Variants in KPNB1 observed in about 807,000 individuals in gnomAD.
KPNB1 encodes karyopherin subunit beta 1, also known as importin subunit beta-1.
KPNB1 carries 7 observed loss-of-function variants against 113.0 expected under a neutral mutation model. That is an observed-to-expected ratio of 0.06 (90% CI 0.04 to 0.12). The LOEUF is 0.12. Ranked by LOEUF, KPNB1 falls within the 10% of genes least tolerant of loss-of-function variation. The probability of loss-of-function intolerance (pLI) is 1.00; values close to 1 mark genes in which losing one functional copy is unlikely to be tolerated. For synonymous variants in KPNB1, 363 were observed against 378.6 expected, an observed-to-expected ratio of 0.96 and a Z score of 0.48; for missense variants, 400 against 1,054.8, an observed-to-expected ratio of 0.38 and a Z score of 8.60.
intron 2 of KPNB1, 127 bp downstream of exon 2, chr17:47,650,571 C>CCCTCCCCCCCCAA: frequency 1.3e-6 from 1 of 745,804 alleles, no homozygotes. Context: ...TCCCCCCTCC[C>CCCTCCCCCCCCAA]CCTCCCCCCC....
At chr17:47,673,405 T>G in intron 13 of KPNB1, 85 bp from the exon 14 acceptor site, 1 of 1,160,922 alleles carries the variant, frequency 8.6e-7, no homozygotes, top group South Asian at 1.2e-5. Flanking sequence ...TACTTTCCTA[T>G]GTTAGTATTA....
In KPNB1 at chr17:47,670,641, T is replaced by A. The variant is rs182568840; in HGVS notation, c.1417-61T>A. On this transcript the variant is annotated intron_variant, in intron 11 of 21. Transcript: ENST00000290158. Reference sequence around the variant, plus strand: ...CGGCCCAAAGTATCTTAATGAAAAATGAGATAATCCTAAGGTGTGGGGTTC... The same window carrying A: ...CGGCCCAAAGTATCTTAATGAAAAAAGAGATAATCCTAAGGTGTGGGGTTC... The A allele has an allele frequency of 2.1e-4, 310 of 1,450,386 alleles. 2 individuals are homozygous for A. The East Asian group carries it at 3.5e-3, about 16-fold the overall frequency. The allele number at this position is 1,450,386 out of a possible 1,614,324, so 89.8% of individuals were successfully genotyped here.
At chr17:47,666,527 T>TTGTTA (rs2030285164) in intron 9 of KPNB1, among the ~76,000 whole-genome samples, 1 of 111,804 alleles carries the variant, frequency 8.9e-6, no homozygotes, top group African/African-American at 2.9e-5. Context: ...TTTATATGTA[T>TTGTTA]TATGTTATAT....
intron 14 of KPNB1, chr17:47,673,844 CCTCAGACCTCT>C: frequency 5.3e-6 from 2 of 374,196 alleles, no homozygotes; most frequent in Non-Finnish European, 9.8e-6. Context: ...AACATACACT[CCTCAGACCTCT>C]CTTCCTCACT....
rs1454895056 is a variant in KPNB1, at chr17:47,656,960, A to C, written c.383A>C (p.Glu128Ala). Residue 128 changes from glutamate (E) to alanine (A), a missense_variant, in exon 4 of 22, where the codon GAA becomes GCA. Glu to Ala is a moderately radical substitution (Grantham distance 107). This residue lies in a region of KPNB1 where 285 missense variants were observed against 627.0 expected (regional missense o/e 0.45). Transcript: ENST00000290158. ...CAEIPVNQWP[E>A]LIPQLVANVT... ...GAGATCCCAGTAAACCAGTGGCCAG[A>C]ACTCATTCCTCAGCTGGTGGCCAAT... 1 of 1,614,066 alleles carries C rather than the reference A, an allele frequency of 6.2e-7. No individual in the cohort carries two copies.
intron 7 of KPNB1, 77 bp from the exon 8 acceptor site, chr17:47,664,082 G>A: frequency 1.3e-6 from 1 of 780,320 alleles, no homozygotes; most frequent in South Asian, 1.6e-5. Flanking sequence ...TTGCATGTCT[G>A]TGGTTAAAGC....
In KPNB1 at chr17:47,669,763, A is replaced by G; in HGVS notation, c.1310A>G (p.Glu437Gly). 1 of 1,614,094 alleles carries G rather than the reference A, an allele frequency of 6.2e-7. No homozygotes were observed. Among genetic ancestry groups the G allele is most frequent in the Non-Finnish European group, 8.5e-7 (1 of 1,179,940 alleles). Residue 437 changes from glutamate to glycine, a missense_variant, in exon 11 of 22, where the codon GAG (glutamate) becomes GGG (glycine). By Grantham distance (98) the Glu-to-Gly change is moderately conservative. Coordinates refer to ENST00000290158, the MANE Select transcript of KPNB1 (RefSeq NM_002265.6). Reference protein sequence around the residue: ...TAAWTVGRICELLPEAAINDV... With the variant: ...TAAWTVGRICGLLPEAAINDV... ...GCATGGACTGTAGGCAGAATTTGTGAGCTGCTTCCTGAAGCTGCCATCAAT... is the reference window on the plus strand; with the variant it reads ...GCATGGACTGTAGGCAGAATTTGTGGGCTGCTTCCTGAAGCTGCCATCAAT...
chr17:47,650,536 C>T (rs558353937), intron 2 of KPNB1, 92 bp downstream of exon 2: 6 of 1,054,096 alleles, frequency 5.7e-6, no homozygotes, highest in Non-Finnish European at 8.4e-6. Flanking sequence ...GCCTCGGGAA[C>T]CTACCCCGCC....
rs548692228 is a variant in KPNB1 at position 47,656,785 on chromosome 17, A to C, written c.283-75A>C. 1.1e-5 allele frequency: 16 copies of C among 1,393,864 alleles called. No homozygotes were observed. The East Asian group carries it at 3.7e-4, about 32-fold the overall frequency. The allele number at this position is 1,393,864 out of a possible 1,614,324, so 86.3% of individuals were successfully genotyped here. ...AAAAAAAGAATTCAGAGACACTAAT[A>C]TAAGTATGGTGGTGGGCAAAATGTG... On this transcript the variant is annotated intron_variant, in intron 3 of 21. Transcript: ENST00000290158.
At chr17:47,655,376 G>T (rs193243567) in intron 3 of KPNB1, among the ~76,000 whole-genome samples, 40 of 152,308 alleles carry the variant, frequency 2.6e-4, no homozygotes, top group African/African-American at 9.4e-4. Flanking sequence ...CTAGATTTTG[G>T]TATCTGTCAG....
intron 9 of KPNB1, among the ~76,000 whole-genome samples, chr17:47,666,652 C>T (rs888376751): frequency 6.7e-6 from 1 of 148,662 alleles, no homozygotes; most frequent in Non-Finnish European, 1.5e-5. Flanking sequence ...CAGAGTCTCA[C>T]TCTGTTGCCA....
rs1567885382 is a variant in KPNB1, at chr17:47,650,211, C to G, written c.-34C>G. 2 of 1,393,622 alleles carry G rather than the reference C, an allele frequency of 1.4e-6. No individual in the cohort carries two copies. Among genetic ancestry groups the G allele is most frequent in the Non-Finnish European group, 1.9e-6 (2 of 1,050,618 alleles). 86.3% of individuals were successfully genotyped at this position (1,393,622 alleles called of 1,614,324 possible). On this transcript the variant is annotated 5_prime_UTR_variant, in exon 1 of 22. Transcript: ENST00000290158. ...GCCGCCCGAAAGGCCGGGCCGTCGT[C>G]TTAGGAGGAGTCGCCGCCGCCGCCA...
intron 2 of KPNB1, 36 bp downstream of exon 2, chr17:47,650,480 C>T (rs1443580723): frequency 1.9e-6 from 3 of 1,582,248 alleles, no homozygotes; most frequent in African/African-American, 1.3e-5. Flanking sequence ...CCCGCCGCGT[C>T]CCCATCCCCT....
intron 15 of KPNB1, among the ~76,000 whole-genome samples, chr17:47,675,361 G>GTTTTTTTTTGTTTT (rs2030569284): frequency 1.1e-5 from 1 of 88,692 alleles, no homozygotes; most frequent in Admixed American, 1.1e-4. Flanking sequence ...CAGAGGTGTT[G>GTTTTTTTTTGTTTT]TTTTTTTTTT....
chr17:47,662,435 G>A (rs940040949), intron 6 of KPNB1, among the ~76,000 whole-genome samples: 10 of 152,038 alleles, frequency 6.6e-5, no homozygotes, highest in African/African-American at 2.4e-4. Flanking sequence ...GATTAGCTGT[G>A]CGTGATGGGG....
chr17:47,678,427 C>T lies in KPNB1; in HGVS notation c.2353+14C>T. 1 of 1,583,484 alleles carries T rather than the reference C, an allele frequency of 6.3e-7. No homozygotes were observed. The highest frequency in any genetic ancestry group is 1.1e-5 in the South Asian group (1 of 90,468). The stretch of plus-strand genomic sequence containing the variant: ...AGAACGTACACCGTTGAGTATACAA[C>T]CCAGTTCCCTTCGTCCGCTCGCCAA... On this transcript the variant is annotated intron_variant, in intron 19 of 21. Transcript: ENST00000290158.
chr17:47,658,798 G>A (rs1450747207), intron 5 of KPNB1, 138 bp downstream of exon 5: 10 of 694,748 alleles, frequency 1.4e-5, no homozygotes, highest in South Asian at 2.0e-5. Context: ...CAGTTTAGTC[G>A]AGTTCGTATT....
chr17:47,675,030 G>A (rs2030553652), intron 15 of KPNB1, among the ~76,000 whole-genome samples: 1 of 152,088 alleles, frequency 6.6e-6, no homozygotes, highest in Admixed American at 6.6e-5. Context: ...ATGTTGCCCA[G>A]ACTGGTCTTG....
intron 21 of KPNB1, among the ~76,000 whole-genome samples, chr17:47,682,180 G>C (rs767461773): frequency 5.3e-5 from 8 of 152,176 alleles, no homozygotes; most frequent in Non-Finnish European, 8.8e-5. Flanking sequence ...TTACTCCACA[G>C]ATCTCAGTAA....
Sources: allele counts gnomAD v4.1 joint callset (sites outside exome capture counted in the v4.1 genomes callset), GRCh38; gene constraint gnomAD v4.1.1; regional missense constraint gnomAD v4.1.1; transcripts MANE v1.5; gene names NCBI Gene and HGNC (gene_info 2026-07-23, HGNC 2026-07-21).